The following DCHS2 variants were observed in gnomAD, a reference collection of about 807,000 sequenced individuals.
DCHS2 encodes the protein dachsous cadherin-related 2, also known as protocadherin-23.
In DCHS2, 142 loss-of-function variants were observed where a neutral mutation model predicts 182.4. The observed-to-expected ratio is 0.78, with a 90% CI of 0.68 to 0.89. The LOEUF is 0.89. Among genes scored for constraint, DCHS2 ranks in the 40% least tolerant of loss-of-function variants. The pLI is 0.00. For missense variants in DCHS2, 4,319 were observed against 4,198.6 expected, an observed-to-expected ratio of 1.03 and a Z score of -0.79; for synonymous variants, 1,740 against 1,663.3, an observed-to-expected ratio of 1.05 and a Z score of -1.12.
At chr4:154,312,504 G>C (rs886332524) in intron 10 of DCHS2, among the ~76,000 whole-genome samples, 1 of 152,162 alleles carries the variant, frequency 6.6e-6, no homozygotes, top group African/African-American at 2.4e-5. Context: ...AGCCATGATT[G>C]GGCCACTGCC....
intron 1 of DCHS2, among the ~76,000 whole-genome samples, chr4:154,413,482 A>G (rs1445758919): frequency 1.3e-5 from 2 of 152,188 alleles, no homozygotes; most frequent in Admixed American, 6.5e-5. Flanking sequence ...GTTTTATATA[A>G]CATCTCATTT....
intron 5 of DCHS2, among the ~76,000 whole-genome samples, chr4:154,330,878 G>A (rs530715722): frequency 7.2e-5 from 11 of 152,010 alleles, no homozygotes; most frequent in Non-Finnish European, 1.2e-4. Flanking sequence ...ATTCTCCTCC[G>A]AAGACCTTAA....
intron 13 of DCHS2, among the ~76,000 whole-genome samples, chr4:154,290,229 T>A (rs1365919262): frequency 6.6e-6 from 1 of 151,950 alleles, no homozygotes; most frequent in African/African-American, 2.4e-5. Context: ...GGAATTAACT[T>A]AACCAAAGCA....
intron 1 of DCHS2, among the ~76,000 whole-genome samples, chr4:154,387,278 T>G (rs1731463265): frequency 6.6e-6 from 1 of 152,020 alleles, no homozygotes. Flanking sequence ...ACCAGTGGGG[T>G]TTAGGGGAAT....
At chr4:154,361,371 G>T (rs1730113694) in intron 3 of DCHS2, among the ~76,000 whole-genome samples, 1 of 152,064 alleles carries the variant, frequency 6.6e-6, no homozygotes, top group African/African-American at 2.4e-5. Flanking sequence ...TAAAACTACA[G>T]AATAAATAGG....
chr4:154,234,421 A>G lies in DCHS2; in HGVS notation c.*115T>C. 2.2e-6 allele frequency: 3 copies of G among 1,379,428 alleles called. No homozygotes were observed. Among genetic ancestry groups the G allele is most frequent in the South Asian group, 1.6e-5 (1 of 60,956 alleles). The allele number at this position is 1,379,428 out of a possible 1,614,324, so 85.4% of individuals were successfully genotyped here. On this transcript the variant is annotated 3_prime_UTR_variant, in exon 20 of 20. Transcript: ENST00000357232. ...GGGAAGTTTTAAAAACTCTAACTAA[A>G]TTACATCACTTGCTTTTAGATAAAA... is the stretch of plus-strand genomic sequence containing the variant.
chr4:154,402,138 A>G (rs755969417), intron 1 of DCHS2, among the ~76,000 whole-genome samples: 3 of 152,208 alleles, frequency 2.0e-5, no homozygotes, highest in Non-Finnish European at 4.4e-5. Context: ...AGAATGATTT[A>G]TTGAAAAGAC....
At chr4:154,279,543 C>A (rs888427130) in intron 13 of DCHS2, among the ~76,000 whole-genome samples, 1 of 151,884 alleles carries the variant, frequency 6.6e-6, no homozygotes, top group African/African-American at 2.4e-5. Context: ...TCCATTCAAC[C>A]ACAATGGAAT....
chr4:154,490,299 C>A lies in DCHS2; in HGVS notation c.1057G>T (p.Ala353Ser). The change falls in exon 1 of 20, where the codon GCG becomes TCG. Residue 353 changes from alanine (A) to serine (S), a missense_variant. By Grantham distance (99) the Ala-to-Ser change is moderately conservative (BLOSUM62 1). Coordinates refer to ENST00000357232, the MANE Select transcript of DCHS2 (RefSeq NM_001358235.2). ...AGSGGGALGDAAYFAVEELSG... is the reference protein window; with the variant it reads ...AGSGGGALGDSAYFAVEELSG... ...AGCTCCTCCACCGCGAAGTAGGCCG[C>A]GTCGCCCAGTGCCCCGCCGCCGCTA... 4 of 1,546,982 alleles carry A rather than the reference C, an allele frequency of 2.6e-6. No individual in the cohort carries two copies. The highest frequency in any genetic ancestry group is 3.5e-6 in the Non-Finnish European group (4 of 1,146,624).
chr4:154,441,855 G>C lies in DCHS2; in HGVS notation c.2052+47449C>G, dbSNP rs139388664. 4.7e-3 allele frequency among the ~76,000 whole-genome samples: 714 copies of C among 152,164 alleles called. 6 individuals are homozygous for C. The highest frequency in any genetic ancestry group is 0.016 in the African/African-American group (675 of 41,518). On this transcript the variant is annotated intron_variant, in intron 1 of 19. Coordinates refer to ENST00000357232, the MANE Select transcript of DCHS2 (RefSeq NM_001358235.2). ...ATAAGCTCTTGTGGTTGAAAGGTTT[G>C]AGGAGGGAAAAAGACATAAACCGGG...
intron 13 of DCHS2, among the ~76,000 whole-genome samples, chr4:154,283,014 G>A (rs1003795249): frequency 6.6e-6 from 1 of 152,124 alleles, no homozygotes; most frequent in Non-Finnish European, 1.5e-5. Flanking sequence ...TTTGCTAAGG[G>A]TTGGTGGAGG....
chr4:154,240,606 C>T lies in DCHS2; in HGVS notation c.7290G>A (p.Glu2430=). The T allele has an allele frequency of 6.2e-7, 1 of 1,613,928 alleles. No individual in the cohort carries two copies. ...IQISDSVHYT[E]GALVVRVLDV... ...CCAGCACACGGACTACAAGTGCTCC[C>T]TCTGTGTAGTGCACTGAATCAGAAA... Residue 2430 remains glutamate (E), a synonymous_variant, in exon 18 of 20, where the codon GAG becomes GAA. Coordinates refer to ENST00000357232, the MANE Select transcript of DCHS2 (RefSeq NM_001358235.2).
At chr4:154,439,732 T>C (rs576422767) in intron 1 of DCHS2, among the ~76,000 whole-genome samples, 78 of 152,366 alleles carry the variant, frequency 5.1e-4, no homozygotes, top group African/African-American at 1.7e-3. Flanking sequence ...TTACAAAATA[T>C]GTGCTTTATT....
chr4:154,384,725 G>T (rs1425529558), intron 1 of DCHS2, among the ~76,000 whole-genome samples: 1 of 151,954 alleles, frequency 6.6e-6, no homozygotes, highest in East Asian at 1.9e-4. Flanking sequence ...ATGTGACCAG[G>T]GAAGCAGAGA....
At chr4:154,370,813 T>C (rs550823527) in intron 2 of DCHS2, among the ~76,000 whole-genome samples, 4 of 152,156 alleles carry the variant, frequency 2.6e-5, no homozygotes, top group Non-Finnish European at 4.4e-5. Flanking sequence ...GCGTCAGATT[T>C]ACGTAGGGCT....
At chr4:154,403,582 A>G (rs1468030631) in intron 1 of DCHS2, among the ~76,000 whole-genome samples, 1 of 152,144 alleles carries the variant, frequency 6.6e-6, no homozygotes, top group Admixed American at 6.5e-5. Flanking sequence ...TATGTTCATT[A>G]GAGATACTGG....
At chr4:154,424,314 G>C (rs546593984) in intron 1 of DCHS2, among the ~76,000 whole-genome samples, 1 of 152,152 alleles carries the variant, frequency 6.6e-6, no homozygotes, top group Non-Finnish European at 1.5e-5. Flanking sequence ...TAAAAAGGAA[G>C]CCAGAAAAGA....
intron 1 of DCHS2, among the ~76,000 whole-genome samples, chr4:154,487,708 CCTAA>C (rs1728638454): frequency 2.0e-5 from 3 of 152,174 alleles, no homozygotes; most frequent in Non-Finnish European, 2.9e-5. Context: ...GCCTGAACTC[CCTAA>C]CTGAGAACCA....
At chr4:154,353,442 A>G (rs1729712629) in intron 3 of DCHS2, among the ~76,000 whole-genome samples, 1 of 152,216 alleles carries the variant, frequency 6.6e-6, no homozygotes, top group Non-Finnish European at 1.5e-5. Flanking sequence ...GTGGATTTCA[A>G]AATAAATCCA....
Sources: allele counts gnomAD v4.1 joint callset (sites outside exome capture counted in the v4.1 genomes callset), GRCh38; gene constraint gnomAD v4.1.1; transcripts MANE v1.5; gene names NCBI Gene and HGNC (gene_info 2026-07-23, HGNC 2026-07-21).